PPP4R4: variants seen among roughly 807,000 people sequenced by gnomAD.
The protein encoded by PPP4R4 is serine/threonine-protein phosphatase 4 regulatory subunit 4.
Under a neutral mutation model 121.8 loss-of-function variants are expected in PPP4R4, and 70 were observed. The observed-to-expected ratio is 0.57, with a 90% confidence interval of 0.47 to 0.70. The LOEUF (loss-of-function observed/expected upper bound fraction) is 0.70, where lower values mean the gene tolerates loss of function less well. Ranked by LOEUF, PPP4R4 falls within the 30% of genes least tolerant of loss-of-function variation. The pLI is 0.00. For synonymous variants in PPP4R4, 348 were observed against 355.7 expected, an observed-to-expected ratio of 0.98 and a Z score of 0.24; for missense variants, 875 against 1,033.6, an observed-to-expected ratio of 0.85 and a Z score of 2.10.
intron 3 of PPP4R4, among the ~76,000 whole-genome samples, chr14:94,223,362 C>T (rs139475413): frequency 2.4e-4 from 36 of 152,342 alleles, no homozygotes; most frequent in African/African-American, 8.4e-4. Context: ...CCTAACTGCA[C>T]TAGCAATAGA....
chr14:94,268,263 G>A (rs923146381), intron 23 of PPP4R4, among the ~76,000 whole-genome samples: 3 of 152,084 alleles, frequency 2.0e-5, no homozygotes, highest in Non-Finnish European at 2.9e-5. Flanking sequence ...GTTCATAAGG[G>A]GTTCTTCAGA....
At chr14:94,178,161 C>A (rs1411274087) in intron 2 of PPP4R4, among the ~76,000 whole-genome samples, 1 of 151,984 alleles carries the variant, frequency 6.6e-6, no homozygotes, top group Non-Finnish European at 1.5e-5. Flanking sequence ...CTGAACTTTG[C>A]CTCTGTTTAG....
intron 3 of PPP4R4, among the ~76,000 whole-genome samples, chr14:94,218,738 G>A (rs1891208692): frequency 9.4e-6 from 1 of 106,172 alleles, no homozygotes; most frequent in African/African-American, 3.7e-5. Flanking sequence ...CCGCACGTGC[G>A]CGCGCGCACA....
chr14:94,240,361 T>C (rs1482202628), intron 8 of PPP4R4, among the ~76,000 whole-genome samples: 2 of 152,180 alleles, frequency 1.3e-5, no homozygotes, highest in South Asian at 2.1e-4. Flanking sequence ...TAGAATTCTT[T>C]TAGTTATTCA....
At chr14:94,176,514 G>GA (rs1354903390) in intron 2 of PPP4R4, among the ~76,000 whole-genome samples, 1 of 152,096 alleles carries the variant, frequency 6.6e-6, no homozygotes, top group Non-Finnish European at 1.5e-5. Context: ...CTACTATACG[G>GA]AAAAAAATCC....
intron 8 of PPP4R4, among the ~76,000 whole-genome samples, chr14:94,238,339 A>G (rs556278203): frequency 3.5e-4 from 54 of 152,380 alleles, no homozygotes; most frequent in African/African-American, 1.3e-3. Context: ...GTGTTGCTAC[A>G]TATTCCATCT....
intron 24 of PPP4R4, among the ~76,000 whole-genome samples, chr14:94,277,151 A>C (rs369228880): frequency 8.5e-5 from 13 of 152,146 alleles, no homozygotes; most frequent in African/African-American, 2.9e-4. Context: ...AATTACAAAA[A>C]TTAGCTAGCT....
intron 3 of PPP4R4, among the ~76,000 whole-genome samples, chr14:94,217,017 T>C (rs1002846048): frequency 6.6e-6 from 1 of 152,072 alleles, no homozygotes; most frequent in African/African-American, 2.4e-5. Context: ...CACCCCAAGA[T>C]ACAAAGTTAT....
intron 23 of PPP4R4, among the ~76,000 whole-genome samples, chr14:94,274,810 C>A (rs1290460295): frequency 6.6e-6 from 1 of 152,170 alleles, no homozygotes; most frequent in Non-Finnish European, 1.5e-5. Flanking sequence ...GAAACTAAAA[C>A]ATATGTCCAC....
intron 19 of PPP4R4, among the ~76,000 whole-genome samples, chr14:94,263,874 C>G (rs765411389): frequency 1.1e-4 from 16 of 151,874 alleles, no homozygotes; most frequent in Non-Finnish European, 2.4e-4. Flanking sequence ...CTTATTTTCT[C>G]CATATTTTTC....
rs189505161 is a variant in PPP4R4 at position 94,180,551 on chromosome 14, A to G, written c.191+4424A>G. Among the ~76,000 whole-genome samples the G allele has an allele frequency of 5.5e-5, 8 of 144,430 alleles. No individual in the cohort carries two copies. In the East Asian group the frequency reaches 1.6e-3, roughly 29 times the overall value. 94.8% of individuals were successfully genotyped at this position (144,430 alleles called of 152,430 possible). A position where few individuals can be genotyped will look rare whatever the true frequency, so the allele number is the denominator to read the frequency against. On this transcript the variant is annotated intron_variant, in intron 2 of 24. Coordinates refer to ENST00000304338, the MANE Select transcript of PPP4R4 (RefSeq NM_058237.2). Reference sequence around the variant, plus strand: ...CACTTTGTGCTGTGACTTTTAAAGCATTTTGAACTTTGCTTTCCCAGGGCA... The same window carrying G: ...CACTTTGTGCTGTGACTTTTAAAGCGTTTTGAACTTTGCTTTCCCAGGGCA...
chr14:94,212,539 AT>A (rs1567117267), intron 3 of PPP4R4, among the ~76,000 whole-genome samples: 1 of 152,158 alleles, frequency 6.6e-6, no homozygotes, highest in Non-Finnish European at 1.5e-5. Context: ...GAAAGGAAAT[AT>A]TTTGACCTCC....
At chr14:94,209,887 A>G (rs928406077) in intron 3 of PPP4R4, among the ~76,000 whole-genome samples, 8 of 152,230 alleles carry the variant, frequency 5.3e-5, no homozygotes, top group Non-Finnish European at 1.2e-4. Flanking sequence ...TAGATATCCA[A>G]AGTTTCATAT....
chr14:94,179,462 A>G (rs1321828177), intron 2 of PPP4R4, among the ~76,000 whole-genome samples: 1 of 152,166 alleles, frequency 6.6e-6, no homozygotes, highest in African/African-American at 2.4e-5. Flanking sequence ...TTGTTTAGCC[A>G]TTCATCAGTT....
chr14:94,220,692 A>T lies in PPP4R4; in HGVS notation c.295-9895A>T, dbSNP rs1891338765. ...ATAAATCTGGTAAATGTTACATAAG[A>T]TCTATAAACTGAAAACTATAGAACA... On this transcript the variant is annotated intron_variant, in intron 3 of 24. Coordinates refer to ENST00000304338, the MANE Select transcript of PPP4R4 (RefSeq NM_058237.2). Among the ~76,000 whole-genome samples, 3 of 152,328 alleles carry T rather than the reference A, an allele frequency of 2.0e-5. No individual in the cohort carries two copies. In the South Asian group the frequency reaches 6.2e-4, roughly 32 times the overall value.
At chr14:94,245,738 G>A in intron 13 of PPP4R4, 68 bp downstream of exon 13, 1 of 1,130,762 alleles carries the variant, frequency 8.8e-7, no homozygotes, top group Non-Finnish European at 1.3e-6. Context: ...GGTGTTTTGA[G>A]GCATCAATGA....
At chr14:94,199,810 A>G (rs1245838510) in intron 2 of PPP4R4, among the ~76,000 whole-genome samples, 1 of 151,974 alleles carries the variant, frequency 6.6e-6, no homozygotes, top group Non-Finnish European at 1.5e-5. Context: ...GCTCCTCTTG[A>G]CGGCCTCTTA....
Position 94,250,214 on chromosome 14 carries a change from AT to A in PPP4R4, c.1659del (p.Leu554CysfsTer17). 1 of 1,612,646 alleles carries A rather than the reference AT, an allele frequency of 6.2e-7. No individual in the cohort carries two copies. On this transcript the variant is annotated frameshift_variant, in exon 15 of 25. Coordinates refer to ENST00000304338, the MANE Select transcript of PPP4R4 (RefSeq NM_058237.2). LOFTEE classifies it high-confidence loss of function. ...VQKAASRTLC[I>X]FLRYNRKQEQ... ...AAAGGCGGCTTCACGAACTCTATGC[AT>A]TTTTCTGCGTTATAATCGTAAACAA...
chr14:94,174,978 C>T (rs573410226), intron 1 of PPP4R4, among the ~76,000 whole-genome samples: 3 of 146,326 alleles, frequency 2.1e-5, no homozygotes, highest in Non-Finnish European at 3.0e-5. Context: ...CTTCCGCCCC[C>T]CCCCCCCAAA....
Sources: allele counts gnomAD v4.1 joint callset (sites outside exome capture counted in the v4.1 genomes callset), GRCh38; gene constraint gnomAD v4.1.1; transcripts MANE v1.5; gene names NCBI Gene and HGNC (gene_info 2026-07-23, HGNC 2026-07-21).